The following GPR158 variants were observed in gnomAD, a reference collection of about 807,000 sequenced individuals.
GPR158 encodes the protein G protein-coupled receptor 158, also known as metabotropic glycine receptor.
GPR158 carries 30 observed loss-of-function variants against 78.2 expected under a neutral mutation model. The ratio of observed to expected loss-of-function variants is 0.38; its 90% CI spans 0.29 to 0.52. The LOEUF (loss-of-function observed/expected upper bound fraction) is 0.52. GPR158 is among the 20% of genes least tolerant of loss of function. GPR158 has a pLI of 0.83. For missense variants in GPR158, 1,463 were observed against 1,523.5 expected (o/e 0.96, Z 0.66); for synonymous variants, 581 against 591.1 (o/e 0.98, Z 0.25).
rs1852537556 is a variant in GPR158, at chr10:25,176,590, C to G, written c.902+268C>G. Among the ~76,000 whole-genome samples the G allele has an allele frequency of 6.6e-6, 1 of 152,220 alleles. No individual in the cohort carries two copies. The highest frequency in any genetic ancestry group is 2.4e-5 in the African/African-American group (1 of 41,470). Reference sequence around the variant, plus strand: ...CGCACTGGGCGAGGGACAGGCAGCCCTTGGCAGGACGGAGACACCCCCGCT... The same window carrying G: ...CGCACTGGGCGAGGGACAGGCAGCCGTTGGCAGGACGGAGACACCCCCGCT... On this transcript the variant is annotated intron_variant, in intron 1 of 10. Transcript: ENST00000376351. This position sits in a 1 kb window ranked among gnomAD's most constrained non-coding sequence, Gnocchi z 6.3.
At chr10:25,406,218 G>C (rs912654962) in intron 3 of GPR158, among the ~76,000 whole-genome samples, 4 of 152,166 alleles carry the variant, frequency 2.6e-5, no homozygotes, top group Non-Finnish European at 5.9e-5. Context: ...GAAGTGTGGT[G>C]AAATGGAAGT....
At chr10:25,338,214 T>C (rs1264818039) in intron 2 of GPR158, among the ~76,000 whole-genome samples, 1 of 151,034 alleles carries the variant, frequency 6.6e-6, no homozygotes, top group African/African-American at 2.4e-5. Flanking sequence ...ATAAATATAG[T>C]CTTCTCTATT....
intron 1 of GPR158, among the ~76,000 whole-genome samples, chr10:25,216,578 T>TA (rs1468327752): frequency 6.6e-6 from 1 of 152,080 alleles, no homozygotes; most frequent in Non-Finnish European, 1.5e-5. Flanking sequence ...GGAAAAATAT[T>TA]AAAAAAGATA....
At chr10:25,248,229 T>C (rs1853730463) in intron 2 of GPR158, among the ~76,000 whole-genome samples, 1 of 151,876 alleles carries the variant, frequency 6.6e-6, no homozygotes, top group African/African-American at 2.4e-5. Flanking sequence ...CTTTGTCAGA[T>C]GAGTAGGTTG....
rs911633588 is a variant in GPR158, at chr10:25,521,453, T to C, written c.1405-29523T>C. Among the ~76,000 whole-genome samples the C allele has an allele frequency of 2.0e-5, 3 of 152,222 alleles. 1 individual carries two copies. The South Asian group carries it at 6.2e-4, about 31-fold the overall frequency. On this transcript the variant is annotated intron_variant, in intron 5 of 10. Transcript: ENST00000376351. ...TTCCTAACTTGCATCATATTATTGA[T>C]TTAAGTTTGACTTCACCTTTGTCTG...
intron 1 of GPR158, among the ~76,000 whole-genome samples, chr10:25,207,376 G>A (rs977933671): frequency 1.3e-5 from 2 of 152,094 alleles, no homozygotes; most frequent in African/African-American, 4.8e-5. Context: ...TGAATCATAA[G>A]ATAGAATAGT....
intron 2 of GPR158, among the ~76,000 whole-genome samples, chr10:25,354,655 G>A (rs1855523303): frequency 6.6e-6 from 1 of 151,992 alleles, no homozygotes; most frequent in Non-Finnish European, 1.5e-5. Flanking sequence ...TTGCCAGTGG[G>A]TTTTATACCT....
intron 5 of GPR158, among the ~76,000 whole-genome samples, chr10:25,528,168 A>G (rs1236280597): frequency 6.6e-6 from 1 of 152,088 alleles, no homozygotes; most frequent in African/African-American, 2.4e-5. Flanking sequence ...GCCCCAATTC[A>G]TATTGTTCCA....
At chr10:25,396,774 A>G (rs1834367888) in intron 3 of GPR158, among the ~76,000 whole-genome samples, 1 of 152,216 alleles carries the variant, frequency 6.6e-6, no homozygotes, top group Non-Finnish European at 1.5e-5. Context: ...TTACATGTAG[A>G]AATTTATAGT....
intron 2 of GPR158, among the ~76,000 whole-genome samples, chr10:25,315,879 G>C (rs1036181969): frequency 6.6e-6 from 1 of 151,946 alleles, no homozygotes; most frequent in South Asian, 2.1e-4. Flanking sequence ...GATTTTAATT[G>C]TTTCCTTTGA....
chr10:25,365,350 A>G (rs1010358805), intron 2 of GPR158, among the ~76,000 whole-genome samples: 26 of 151,772 alleles, frequency 1.7e-4, no homozygotes, highest in African/African-American at 6.3e-4. Flanking sequence ...TTTAGCGTTT[A>G]GTAGGCAGTC....
intron 4 of GPR158, among the ~76,000 whole-genome samples, chr10:25,420,871 T>C (rs1417758025): frequency 6.6e-6 from 1 of 152,196 alleles, no homozygotes; most frequent in Non-Finnish European, 1.5e-5. Flanking sequence ...ACTATATCTT[T>C]GTAGTAAATT....
At chr10:25,396,034 T>C in intron 3 of GPR158, 21 bp downstream of exon 3, 1 of 951,938 alleles carries the variant, frequency 1.1e-6, no homozygotes, top group Non-Finnish European at 1.7e-6. Flanking sequence ...TTTGTTTCTA[T>C]GTATATATAT....
intron 5 of GPR158, among the ~76,000 whole-genome samples, chr10:25,517,285 G>A (rs887690934): frequency 1.3e-5 from 2 of 151,504 alleles, no homozygotes; most frequent in Non-Finnish European, 1.5e-5. Context: ...AGACAATGGG[G>A]TTTTCTAGAT....
At chr10:25,376,701 G>A (rs1773630) in intron 2 of GPR158, among the ~76,000 whole-genome samples, 100,055 of 151,326 alleles carry the variant, frequency 0.66, 34,146 homozygotes, top group Non-Finnish European at 0.75. Flanking sequence ...AGTTATTTCA[G>A]ATTCTAGATT....
intron 4 of GPR158, among the ~76,000 whole-genome samples, chr10:25,432,720 T>C (rs1445699650): frequency 6.6e-6 from 1 of 152,206 alleles, no homozygotes; most frequent in Non-Finnish European, 1.5e-5. Context: ...AATTTTTTCT[T>C]TTTCCTTTCT....
At chr10:25,357,368 T>C (rs1231701647) in intron 2 of GPR158, among the ~76,000 whole-genome samples, 1 of 152,104 alleles carries the variant, frequency 6.6e-6, no homozygotes, top group Non-Finnish European at 1.5e-5. Context: ...CCCAAGACGA[T>C]GGGCACAATA....
intron 2 of GPR158, among the ~76,000 whole-genome samples, chr10:25,229,514 A>G (rs1385648464): frequency 6.6e-6 from 1 of 152,150 alleles, no homozygotes; most frequent in Non-Finnish European, 1.5e-5. Flanking sequence ...TTTGTGCTTT[A>G]TATGCATTTC....
intron 5 of GPR158, chr10:25,475,629 G>A (rs1835572282): frequency 6.6e-6 from 1 of 152,090 alleles, no homozygotes; most frequent in Non-Finnish European, 1.5e-5. Context: ...TGTATTAAGT[G>A]ATTAAGGTGA....
Sources: allele counts gnomAD v4.1 joint callset (sites outside exome capture counted in the v4.1 genomes callset), GRCh38; gene constraint gnomAD v4.1.1; non-coding constraint Gnocchi (gnomAD v3.1); transcripts MANE v1.5; gene names NCBI Gene and HGNC (gene_info 2026-07-23, HGNC 2026-07-21).